The following GRIN2A variants were observed in gnomAD, a reference collection of about 807,000 sequenced individuals.
GRIN2A encodes glutamate receptor ionotropic, NMDA 2A.
GRIN2A carries 22 observed loss-of-function variants against 113.4 expected under a neutral mutation model. That is an observed-to-expected ratio of 0.19 (90% CI 0.14 to 0.28). The LOEUF is 0.28. Among genes scored for constraint, GRIN2A ranks in the 10% least tolerant of loss-of-function variants. GRIN2A has a pLI of 1.00. For synonymous variants in GRIN2A, 827 were observed against 738.4 expected (o/e 1.12, Z -1.94); for missense variants, 1,502 against 1,887.0 (o/e 0.80, Z 3.78).
intron 3 of GRIN2A, among the ~76,000 whole-genome samples, chr16:9,924,912 A>T (rs1410547317): frequency 1.3e-5 from 2 of 152,154 alleles, no homozygotes; most frequent in East Asian, 3.9e-4. Context: ...TTTTGAACCT[A>T]TGAAGTTGAG....
chr16:9,850,253 C>G (rs2042860059), intron 4 of GRIN2A, among the ~76,000 whole-genome samples: 1 of 152,162 alleles, frequency 6.6e-6, no homozygotes, highest in African/African-American at 2.4e-5. Flanking sequence ...AATGTTCTGC[C>G]AGAGTTCAGG....
At position 10,049,387 on chromosome 16, in the gene GRIN2A, T is replaced by C. The variant is rs115910848; in HGVS notation, c.415-110836A>G. Among the ~76,000 whole-genome samples, 520 of 152,190 alleles carry C rather than the reference T, an allele frequency of 3.4e-3. 5 individuals are homozygous for C. Among genetic ancestry groups the C allele is most frequent in the African/African-American group, 0.012 (486 of 41,518 alleles). On this transcript the variant is annotated intron_variant, in intron 2 of 12. Transcript: ENST00000330684. ...CTTATTTATTGATTTTTTACTATTT[T>C]TTTTTTTCGAGACAGAGTCTTGCTC...
chr16:10,080,280 G>C (rs2047953582), intron 2 of GRIN2A, among the ~76,000 whole-genome samples: 2 of 152,122 alleles, frequency 1.3e-5, no homozygotes, highest in African/African-American at 4.8e-5. Flanking sequence ...ATCAATGAAT[G>C]GGTTTCCTGA....
intron 2 of GRIN2A, among the ~76,000 whole-genome samples, chr16:10,140,063 A>G (rs1367268095): frequency 6.6e-6 from 1 of 152,202 alleles, no homozygotes; most frequent in Non-Finnish European, 1.5e-5. Flanking sequence ...CCCTGTAATC[A>G]GGCTGTCCCA....
chr16:10,064,799 T>C (rs1439173835), intron 2 of GRIN2A, among the ~76,000 whole-genome samples: 3 of 152,180 alleles, frequency 2.0e-5, no homozygotes, highest in Non-Finnish European at 2.9e-5. Flanking sequence ...TACTGTTTGA[T>C]CCCATGGACT....
intron 4 of GRIN2A, among the ~76,000 whole-genome samples, chr16:9,884,150 C>G (rs1403549729): frequency 6.6e-6 from 1 of 152,176 alleles, no homozygotes; most frequent in East Asian, 1.9e-4. Flanking sequence ...GTCATGTGCA[C>G]TAAAAATATC....
intron 6 of GRIN2A, 42 bp downstream of exon 6, chr16:9,840,894 C>A (rs2042664948): frequency 1.9e-6 from 3 of 1,609,636 alleles, no homozygotes; most frequent in Non-Finnish European, 2.5e-6. Context: ...ACTGCAGGCC[C>A]TTTGTCTGAG....
At chr16:9,984,942 G>A (rs1445920085) in intron 2 of GRIN2A, among the ~76,000 whole-genome samples, 5 of 152,006 alleles carry the variant, frequency 3.3e-5, no homozygotes, top group Admixed American at 2.0e-4. Context: ...ACGTATCTGC[G>A]ATATGACACT....
intron 10 of GRIN2A, among the ~76,000 whole-genome samples, chr16:9,802,665 G>A (rs1903435395): frequency 6.6e-6 from 1 of 152,102 alleles, no homozygotes; most frequent in Non-Finnish European, 1.5e-5. Flanking sequence ...GCAGCCTGGG[G>A]CTTGTTGGTG....
intron 2 of GRIN2A, among the ~76,000 whole-genome samples, chr16:10,036,117 T>C (rs760217661): frequency 1.3e-5 from 2 of 151,218 alleles, no homozygotes; most frequent in Non-Finnish European, 3.0e-5. Context: ...ATGATCTCAC[T>C]TGCATAACTG....
chr16:9,789,951 A>C (rs915004520), intron 11 of GRIN2A, among the ~76,000 whole-genome samples: 1 of 152,198 alleles, frequency 6.6e-6, no homozygotes, highest in Non-Finnish European at 1.5e-5. Context: ...AAAGACATAA[A>C]CCAGTGGTGT....
intron 2 of GRIN2A, among the ~76,000 whole-genome samples, chr16:9,988,378 A>C (rs144242235): frequency 6.6e-6 from 1 of 152,172 alleles, no homozygotes; most frequent in East Asian, 1.9e-4. Context: ...GACAAATTAT[A>C]CCACTCAATT....
At chr16:9,885,848 G>C (rs1236945133) in intron 4 of GRIN2A, among the ~76,000 whole-genome samples, 2 of 152,244 alleles carry the variant, frequency 1.3e-5, no homozygotes, top group Non-Finnish European at 2.9e-5. Context: ...CAAGAGGATA[G>C]AGCAACTACA....
intron 11 of GRIN2A, among the ~76,000 whole-genome samples, chr16:9,788,243 AC>A (rs1020590647): frequency 4.1e-5 from 6 of 146,252 alleles, no homozygotes; most frequent in Non-Finnish European, 7.5e-5. Flanking sequence ...CTCTCTCCTT[AC>A]TTTTTGACTC....
chr16:10,059,908 G>A (rs1197763314), intron 2 of GRIN2A, among the ~76,000 whole-genome samples: 2 of 152,126 alleles, frequency 1.3e-5, no homozygotes, highest in African/African-American at 4.8e-5. Flanking sequence ...GGTTACATAG[G>A]AGCCACTGGG....
rs1567257987 is a variant in GRIN2A at position 10,044,036 on chromosome 16, G to GAGAA, written c.415-105486_415-105485insTTCT. Among the ~76,000 whole-genome samples the GAGAA allele has an allele frequency of 3.5e-4, 50 of 141,364 alleles. No homozygotes were observed. The South Asian group carries it at 0.011, about 31-fold the overall frequency. The allele number at this position is 141,364 out of a possible 152,430, so 92.7% of individuals were successfully genotyped here. A position where few individuals can be genotyped will look rare whatever the true frequency, so the allele number is the denominator to read the frequency against. On this transcript the variant is annotated intron_variant, in intron 2 of 12. Transcript: ENST00000330684. Reference sequence around the variant, plus strand: ...ATATATATATATAGAGAGAGAGAGAGAGAGAGAGAGACAGAGACAGAGACA... The same window carrying GAGAA: ...ATATATATATATAGAGAGAGAGAGAGAGAAAGAGAGAGAGACAGAGACAGAGACA...
At chr16:9,894,226 T>C (rs1465246780) in intron 3 of GRIN2A, among the ~76,000 whole-genome samples, 1 of 152,130 alleles carries the variant, frequency 6.6e-6, no homozygotes, top group Non-Finnish European at 1.5e-5. Flanking sequence ...TTATGTGCAG[T>C]GGGATGAGTC....
At chr16:10,152,237 A>G (rs560123611) in intron 2 of GRIN2A, among the ~76,000 whole-genome samples, 68 of 152,300 alleles carry the variant, frequency 4.5e-4, no homozygotes, top group African/African-American at 1.6e-3. Context: ...ATTAGCATCA[A>G]AGTTAGGAAG....
chr16:9,774,905 T>C (rs1901503051), intron 11 of GRIN2A, among the ~76,000 whole-genome samples: 1 of 152,204 alleles, frequency 6.6e-6, no homozygotes, highest in Non-Finnish European at 1.5e-5. Flanking sequence ...CTATCTATGA[T>C]TCCAAGAACG....
Sources: allele counts gnomAD v4.1 joint callset (sites outside exome capture counted in the v4.1 genomes callset), GRCh38; gene constraint gnomAD v4.1.1; transcripts MANE v1.5; gene names NCBI Gene and HGNC (gene_info 2026-07-23, HGNC 2026-07-21).